The following ABCC4 variants were observed in gnomAD, a reference collection of about 807,000 sequenced individuals.
ABCC4 encodes ATP-binding cassette sub-family C member 4.
In ABCC4, 102 loss-of-function variants were observed where a neutral mutation model predicts 168.5. The observed-to-expected ratio is 0.61, with a 90% CI of 0.52 to 0.71. The LOEUF (loss-of-function observed/expected upper bound fraction) is 0.71. Among genes scored for constraint, ABCC4 ranks in the 30% least tolerant of loss-of-function variants. The probability of loss-of-function intolerance (pLI) is 0.00; values close to 1 mark genes in which losing one functional copy is unlikely to be tolerated. For missense variants in ABCC4, 1,402 were observed against 1,605.8 expected, an observed-to-expected ratio of 0.87 and a Z score of 2.17; for synonymous variants, 617 against 590.7, an observed-to-expected ratio of 1.04 and a Z score of -0.65.
chr13:95,197,734 C>CA (rs1329662957), intron 8 of ABCC4, among the ~76,000 whole-genome samples: 24 of 152,172 alleles, frequency 1.6e-4, no homozygotes, highest in Non-Finnish European at 2.9e-4. Flanking sequence ...AACAATAAAA[C>CA]CTCAGAGACA....
intron 3 of ABCC4, among the ~76,000 whole-genome samples, chr13:95,240,789 G>A (rs1191507264): frequency 6.6e-6 from 1 of 152,074 alleles, no homozygotes; most frequent in Non-Finnish European, 1.5e-5. Flanking sequence ...TGGCCAACAT[G>A]GTAAAACCCT....
At chr13:95,119,266 G>A (rs2035480855) in intron 19 of ABCC4, among the ~76,000 whole-genome samples, 1 of 152,122 alleles carries the variant, frequency 6.6e-6, no homozygotes, top group Non-Finnish European at 1.5e-5. Context: ...ACTATTGAGT[G>A]CATCCCCACG....
intron 1 of ABCC4, among the ~76,000 whole-genome samples, chr13:95,275,594 G>A (rs1187012679): frequency 1.6e-5 from 2 of 125,474 alleles, no homozygotes; most frequent in African/African-American, 5.6e-5. Context: ...ATAGGAAAAT[G>A]TTTAGGACTC....
Position 95,118,603 on chromosome 13 carries a change from C to T in ABCC4, c.2456-2602G>A, listed in dbSNP as rs80340891. On this transcript the variant is annotated intron_variant, in intron 19 of 30. Coordinates refer to ENST00000645237, the MANE Select transcript of ABCC4 (RefSeq NM_005845.5). Reference sequence around the variant, plus strand: ...ATAATCAGAGCTGTGATGTCAAGTTCACAGTCTCACAGTCATTTTCCCAGA... The same window carrying T: ...ATAATCAGAGCTGTGATGTCAAGTTTACAGTCTCACAGTCATTTTCCCAGA... Among the ~76,000 whole-genome samples the T allele has an allele frequency of 1.4e-3, 216 of 152,312 alleles. 2 individuals are homozygous for T. In the East Asian group the frequency reaches 0.018, roughly 13 times the overall value.
chr13:95,083,733 G>A (rs898233691), intron 20 of ABCC4, among the ~76,000 whole-genome samples: 3 of 151,966 alleles, frequency 2.0e-5, no homozygotes, highest in Non-Finnish European at 2.9e-5. Context: ...ATATTGGCCA[G>A]GCTGGTCTCG....
At chr13:95,218,995 G>GAAA (rs1566540072) in intron 4 of ABCC4, among the ~76,000 whole-genome samples, 11 of 49,760 alleles carry the variant, frequency 2.2e-4, no homozygotes, top group African/African-American at 7.7e-4. Context: ...GAGTGAGAAA[G>GAAA]AAAGAAAGAG....
At chr13:95,188,016 C>T (rs1311112926) in intron 10 of ABCC4, among the ~76,000 whole-genome samples, 2 of 152,172 alleles carry the variant, frequency 1.3e-5, no homozygotes, top group Admixed American at 6.5e-5. Flanking sequence ...ATACACCTGG[C>T]TACAGGTTTA....
At chr13:95,156,168 T>C (rs1243135530) in intron 19 of ABCC4, among the ~76,000 whole-genome samples, 1 of 152,198 alleles carries the variant, frequency 6.6e-6, no homozygotes, top group Non-Finnish European at 1.5e-5. Flanking sequence ...AAAACCCTGT[T>C]TGAAATGCTA....
chr13:95,163,588 C>A, intron 17 of ABCC4, 22 bp downstream of exon 17: 2 of 1,602,476 alleles, frequency 1.2e-6, no homozygotes, highest in East Asian at 4.5e-5. Context: ...GTATTTCATA[C>A]ATCAGACCAG....
chr13:95,244,907 A>T (rs2040067002), intron 3 of ABCC4, among the ~76,000 whole-genome samples: 1 of 150,682 alleles, frequency 6.6e-6, no homozygotes, highest in Non-Finnish European at 1.5e-5. Context: ...CCACCCCGCT[A>T]AAAGACCAGC....
chr13:95,170,772 C>A, intron 13 of ABCC4, 144 bp from the exon 14 acceptor site: 2 of 512,538 alleles, frequency 3.9e-6, no homozygotes, highest in Non-Finnish European at 3.4e-6. Flanking sequence ...AAATATAAGC[C>A]AATAAAGCCG....
intron 4 of ABCC4, among the ~76,000 whole-genome samples, chr13:95,220,458 G>T (rs946355535): frequency 2.0e-5 from 3 of 152,090 alleles, no homozygotes; most frequent in Admixed American, 2.0e-4. Flanking sequence ...CTGTAATACT[G>T]CAAAATTCAT....
intron 30 of ABCC4, among the ~76,000 whole-genome samples, chr13:95,023,156 A>G (rs1160315245): frequency 6.6e-6 from 1 of 152,180 alleles, no homozygotes; most frequent in Non-Finnish European, 1.5e-5. Flanking sequence ...ATCACTTTCT[A>G]CTGCTTGATA....
In ABCC4 at chr13:95,054,416, C is replaced by T. The variant is rs992242193; in HGVS notation, c.3367-1232G>A. 1.5e-4 allele frequency among the ~76,000 whole-genome samples: 23 copies of T among 151,750 alleles called. No individual in the cohort carries two copies. In the Middle Eastern group the frequency reaches 0.027, roughly 180 times the overall value. On this transcript the variant is annotated intron_variant, in intron 26 of 30. Transcript: ENST00000645237. The stretch of plus-strand genomic sequence containing the variant: ...TTCTTCTGGTAGCTGGGTGCGGTGG[C>T]GGGCACCTGTAGTCCCAGCTACTTG...
chr13:95,265,040 TG>T (rs1276215150), intron 1 of ABCC4, among the ~76,000 whole-genome samples: 5 of 152,064 alleles, frequency 3.3e-5, no homozygotes, highest in African/African-American at 1.2e-4. Context: ...GACTAATTTT[TG>T]TATTTTTAGC....
chr13:95,097,592 C>CTTTTTT (rs56169430), intron 20 of ABCC4, among the ~76,000 whole-genome samples: 72 of 82,086 alleles, frequency 8.8e-4, no homozygotes, highest in Middle Eastern at 0.018. Context: ...AATATACATT[C>CTTTTTT]TTTTTTTTTT....
At chr13:95,105,611 C>T (rs1566422613) in intron 20 of ABCC4, among the ~76,000 whole-genome samples, 3 of 152,138 alleles carry the variant, frequency 2.0e-5, no homozygotes. Flanking sequence ...AACAGAAAAC[C>T]TCATACAACA....
intron 1 of ABCC4, among the ~76,000 whole-genome samples, chr13:95,270,766 C>T (rs1158999632): frequency 2.0e-5 from 3 of 152,228 alleles, no homozygotes; most frequent in Non-Finnish European, 2.9e-5. Context: ...AGAGCCACCA[C>T]GCATGAGTTT....
intron 3 of ABCC4, 119 bp downstream of exon 3, chr13:95,246,856 C>T: frequency 8.2e-7 from 1 of 1,213,020 alleles, no homozygotes. Flanking sequence ...AAAATACCTT[C>T]AAACCCCATC....
Sources: gnomAD v4.1 joint callset for allele counts (sites outside exome capture counted in the v4.1 genomes callset) on GRCh38, gnomAD v4.1.1 for gene constraint, MANE v1.5 for transcripts, NCBI Gene and HGNC (gene_info 2026-07-23, HGNC 2026-07-21) for gene names.